Variants in PCDHA10 observed in about 807,000 individuals in gnomAD.
PCDHA10 encodes the protein protocadherin alpha 10.
In PCDHA10, 45 loss-of-function variants were observed where a neutral mutation model predicts 61.2. The observed-to-expected ratio is 0.74, with a 90% CI of 0.58 to 0.94. The LOEUF (loss-of-function observed/expected upper bound fraction) is 0.94, where lower values mean the gene tolerates loss of function less well. PCDHA10 is among the 40% of genes least tolerant of loss of function. The pLI is 0.00. For missense variants in PCDHA10, 1,278 were observed against 1,236.2 expected (o/e 1.03, Z -0.51); for synonymous variants, 602 against 548.8 (o/e 1.10, Z -1.35).
At chr5:140,912,810 A>G (rs887666910) in intron 1 of PCDHA10, among the ~76,000 whole-genome samples, 16 of 152,202 alleles carry the variant, frequency 1.1e-4, no homozygotes, top group African/African-American at 3.6e-4. Flanking sequence ...GGTTTTTATC[A>G]TAAAGGGATT....
At chr5:140,867,903 A>C (rs1010800579) in intron 1 of PCDHA10, 1 of 152,144 alleles carries the variant, frequency 6.6e-6, no homozygotes, top group Non-Finnish European at 1.5e-5. Flanking sequence ...TACTTACAGA[A>C]GGTATAATTA....
intron 1 of PCDHA10, 79 bp from the exon 2 acceptor site, chr5:140,978,870 G>T: frequency 6.2e-7 from 1 of 1,606,988 alleles, no homozygotes; most frequent in Non-Finnish European, 8.5e-7. Context: ...ATTTAAGGGA[G>T]TAACTAATCA....
intron 1 of PCDHA10, chr5:140,926,750 G>T: frequency 8.0e-7 from 1 of 1,256,516 alleles, no homozygotes; most frequent in East Asian, 2.9e-5. Context: ...AACGTCGGCG[G>T]TCGCTGAGTA....
intron 1 of PCDHA10, chr5:140,928,384 C>G (rs246074): frequency 0.52 from 841,304 of 1,613,674 alleles, 221,696 homozygotes; most frequent in African/African-American, 0.71. Flanking sequence ...CTCTAGCTTG[C>G]TGGCAGTGGA....
chr5:140,869,469 G>A lies in PCDHA10; in HGVS notation c.2388+11033G>A, dbSNP rs781981842. The A allele has an allele frequency of 2.0e-5, 32 of 1,614,092 alleles. No individual in the cohort carries two copies. In the East Asian group the frequency reaches 5.1e-4, roughly 26 times the overall value. On this transcript the variant is annotated intron_variant, in intron 1 of 3. Coordinates refer to ENST00000307360, the MANE Select transcript of PCDHA10 (RefSeq NM_018901.4). Reference sequence around the variant, plus strand: ...TGCAGGTTTTCCATGTGAACGTGGAGGTGAAGGACATTAACGACAACCCGC... The same window carrying A: ...TGCAGGTTTTCCATGTGAACGTGGAAGTGAAGGACATTAACGACAACCCGC...
Position 140,857,399 on chromosome 5 carries a change from G to A in PCDHA10, c.1351G>A (p.Ala451Thr), listed in dbSNP as rs375062704. ...GGAGGTGGCCGACGTGAACGACAAC[G>A]CGCCTGCGTTCGCGCAGTCCGAGTA... ...SVEVADVNDN[A>T]PAFAQSEYTV... The change falls in exon 1 of 4, where the codon GCG (alanine) becomes ACG (threonine). Residue 451 changes from alanine (A) to threonine (T), a missense_variant. Ala to Thr is a moderately conservative substitution (Grantham distance 58, BLOSUM62 0). Coordinates refer to ENST00000307360, the MANE Select transcript of PCDHA10 (RefSeq NM_018901.4). 3 of 1,598,394 alleles carry A rather than the reference G, an allele frequency of 1.9e-6. No homozygotes were observed. In the African/African-American group the frequency reaches 4.0e-5, roughly 21 times the overall value.
chr5:140,890,173 C>T (rs1188650558), intron 1 of PCDHA10, among the ~76,000 whole-genome samples: 4 of 152,114 alleles, frequency 2.6e-5, no homozygotes, highest in African/African-American at 7.2e-5. Context: ...CAGAAATAGG[C>T]AAATGCTACA....
chr5:141,004,933 AAAAT>A (rs1336216932), intron 3 of PCDHA10, among the ~76,000 whole-genome samples: 1 of 152,198 alleles, frequency 6.6e-6, no homozygotes, highest in Non-Finnish European at 1.5e-5. Flanking sequence ...AAGAGAGAAG[AAAAT>A]TTCTTACCCT....
At chr5:140,989,598 T>C (rs369591964) in intron 3 of PCDHA10, among the ~76,000 whole-genome samples, 431 of 152,260 alleles carry the variant, frequency 2.8e-3, no homozygotes, top group Middle Eastern at 6.8e-3. Flanking sequence ...CTGACACAAG[T>C]AAACTAAAAA....
intron 3 of PCDHA10, among the ~76,000 whole-genome samples, chr5:140,990,141 C>A (rs2097376222): frequency 6.6e-6 from 1 of 151,818 alleles, no homozygotes; most frequent in African/African-American, 2.4e-5. Flanking sequence ...ACTCAAGAGG[C>A]ATAATAATAG....
chr5:140,882,656 C>T, intron 1 of PCDHA10: 1 of 1,614,192 alleles, frequency 6.2e-7, no homozygotes, highest in Non-Finnish European at 8.5e-7. Flanking sequence ...TAACGACAAC[C>T]CGCCCATATT....
At chr5:140,932,039 CAT>C (rs2087970987) in intron 1 of PCDHA10, among the ~76,000 whole-genome samples, 1 of 151,816 alleles carries the variant, frequency 6.6e-6, no homozygotes, top group South Asian at 2.1e-4. Context: ...TATATATTAA[CAT>C]AGCCTGTAAT....
intron 3 of PCDHA10, among the ~76,000 whole-genome samples, chr5:141,009,322 G>C (rs2098405890): frequency 6.6e-6 from 1 of 152,206 alleles, no homozygotes. Flanking sequence ...AGCCTGGCAT[G>C]GGAGCTTGTG....
At chr5:140,870,248 G>T in intron 1 of PCDHA10, 1 of 1,614,190 alleles carries the variant, frequency 6.2e-7, no homozygotes, top group South Asian at 1.1e-5. Context: ...GGTGTCAACG[G>T]ACAGGTGACC....
Position 140,980,554 on chromosome 5 carries a change from C to T in PCDHA10, c.2447+1547C>T, listed in dbSNP as rs1283128844. Among the ~76,000 whole-genome samples, 9 of 152,008 alleles carry T rather than the reference C, an allele frequency of 5.9e-5. No individual in the cohort carries two copies. The South Asian group carries it at 1.5e-3, about 25-fold the overall frequency. On this transcript the variant is annotated intron_variant, in intron 2 of 3. Transcript: ENST00000307360. ...CTGAGGCAGGAGAATCGCTTGAACC[C>T]GGGAGGCGGAAGTTGCAGTGAGCCA...
intron 1 of PCDHA10, chr5:140,969,258 A>G (rs782513796): frequency 9.3e-6 from 15 of 1,614,106 alleles, no homozygotes; most frequent in Admixed American, 8.3e-5. Context: ...GACAGCAGGA[A>G]TCTCACAGGC....
chr5:140,875,133 A>G (rs1269514593), intron 1 of PCDHA10, among the ~76,000 whole-genome samples: 1 of 152,228 alleles, frequency 6.6e-6, no homozygotes, highest in Non-Finnish European at 1.5e-5. Context: ...CTAAACCCGC[A>G]TTTATAAATG....
intron 1 of PCDHA10, among the ~76,000 whole-genome samples, chr5:140,912,146 T>G (rs1248730371): frequency 6.6e-6 from 1 of 152,202 alleles, no homozygotes; most frequent in Admixed American, 6.5e-5. Flanking sequence ...CATGTTCTTC[T>G]GCCTGTTTTT....
intron 2 of PCDHA10, among the ~76,000 whole-genome samples, chr5:140,980,573 T>G (rs1040024915): frequency 6.6e-6 from 1 of 152,066 alleles, no homozygotes; most frequent in Non-Finnish European, 1.5e-5. Context: ...GAAGTTGCAG[T>G]GAGCCAAGAT....
Sources: allele counts gnomAD v4.1 joint callset (sites outside exome capture counted in the v4.1 genomes callset), GRCh38; gene constraint gnomAD v4.1.1; transcripts MANE v1.5; gene names NCBI Gene and HGNC (gene_info 2026-07-23, HGNC 2026-07-21).